LARP1B: variants seen among roughly 807,000 people sequenced by gnomAD.
The protein encoded by LARP1B is La ribonucleoprotein 1B.
Under a neutral mutation model 114.2 loss-of-function variants are expected in LARP1B, and 76 were observed. The observed-to-expected ratio is 0.67, with a 90% CI of 0.55 to 0.81. The LOEUF (loss-of-function observed/expected upper bound fraction) is 0.81. Ranked by LOEUF, LARP1B falls within the 30% of genes least tolerant of loss-of-function variation. The probability of loss-of-function intolerance (pLI) is 0.00; values close to 1 mark genes in which losing one functional copy is unlikely to be tolerated. For synonymous variants in LARP1B, 345 were observed against 348.0 expected, an observed-to-expected ratio of 0.99 and a Z score of 0.10; for missense variants, 1,014 against 1,075.8, an observed-to-expected ratio of 0.94 and a Z score of 0.80.
chr4:128,136,557 CT>C (rs1725412357), intron 11 of LARP1B, among the ~76,000 whole-genome samples: 1 of 152,162 alleles, frequency 6.6e-6, no homozygotes, highest in Admixed American at 6.5e-5. Context: ...GTAATTTACT[CT>C]CTAAGTGATT....
intron 11 of LARP1B, among the ~76,000 whole-genome samples, chr4:128,160,064 G>A (rs1173893611): frequency 6.6e-6 from 1 of 152,212 alleles, no homozygotes; most frequent in Non-Finnish European, 1.5e-5. Flanking sequence ...CTTAGACTTT[G>A]TGGGTCATAC....
chr4:128,109,646 T>G (rs1333713633), intron 9 of LARP1B, among the ~76,000 whole-genome samples: 1 of 152,086 alleles, frequency 6.6e-6, no homozygotes, highest in Non-Finnish European at 1.5e-5. Context: ...ATGTTGGGTT[T>G]TTTTCTTTTT....
chr4:128,069,353 T>C lies in LARP1B; in HGVS notation c.-77-5107T>C. The C allele has an allele frequency of 3.9e-6, 3 of 774,098 alleles. No homozygotes were observed. In the East Asian group the frequency reaches 7.3e-5, roughly 19 times the overall value. The allele number at this position is 774,098 out of a possible 1,614,324, so 48.0% of individuals were successfully genotyped here. A position where few individuals can be genotyped will look rare whatever the true frequency, so the allele number is the denominator to read the frequency against. ...TGGACTGAAGACTTTGAGCAAACTT[T>C]AGCTGGTTAACACCATGATGGACAG... On this transcript the variant is annotated intron_variant, in intron 1 of 19. Coordinates refer to ENST00000326639, the MANE Select transcript of LARP1B (RefSeq NM_018078.4).
intron 1 of LARP1B, chr4:128,069,740 T>C (rs994737552): frequency 1.1e-5 from 3 of 281,614 alleles, no homozygotes; most frequent in Non-Finnish European, 1.4e-5. Flanking sequence ...ATCAGCATTC[T>C]AGTATAATTT....
intron 11 of LARP1B, among the ~76,000 whole-genome samples, chr4:128,158,369 T>C (rs1287400252): frequency 2.0e-5 from 3 of 152,170 alleles, no homozygotes; most frequent in East Asian, 1.9e-4. Flanking sequence ...ATAAAACTTA[T>C]AGAAATAATA....
chr4:128,063,427 CAAAAAAAA>C (rs763868048), intron 1 of LARP1B, among the ~76,000 whole-genome samples: 9 of 13,214 alleles, frequency 6.8e-4, no homozygotes, highest in Admixed American at 2.7e-3. Context: ...GACCCACTCT[CAAAAAAAA>C]AAAAAAAAAA....
At chr4:128,063,284 A>G (rs1761031426) in intron 1 of LARP1B, among the ~76,000 whole-genome samples, 1 of 151,534 alleles carries the variant, frequency 6.6e-6, no homozygotes, top group Non-Finnish European at 1.5e-5. Flanking sequence ...ATCATTAGCC[A>G]GGCGTGGTGG....
intron 5 of LARP1B, among the ~76,000 whole-genome samples, chr4:128,088,203 A>G (rs13144339): frequency 1.6e-4 from 24 of 150,888 alleles, no homozygotes; most frequent in South Asian, 4.2e-4. Context: ...AATCAATAAT[A>G]ATGATGATGA....
intron 11 of LARP1B, among the ~76,000 whole-genome samples, chr4:128,134,319 A>G (rs62334617): frequency 0.17 from 25,812 of 152,090 alleles, 2,784 homozygotes; most frequent in Middle Eastern, 0.3. Context: ...GATTTTTTTG[A>G]CAAGTGTATC....
intron 11 of LARP1B, among the ~76,000 whole-genome samples, chr4:128,157,990 G>A (rs1012030426): frequency 6.6e-6 from 1 of 152,046 alleles, no homozygotes; most frequent in South Asian, 2.1e-4. Flanking sequence ...ATAAATAGTG[G>A]CAATAAACAC....
Position 128,083,664 on chromosome 4 carries a change from T to G in LARP1B, c.358+1359T>G, listed in dbSNP as rs193061862. Among the ~76,000 whole-genome samples the G allele has an allele frequency of 1.8e-4, 22 of 120,204 alleles. 1 individual carries two copies. Among genetic ancestry groups the G allele is most frequent in the Admixed American group, 6.2e-4 (8 of 12,938 alleles). The allele number at this position is 120,204 out of a possible 152,430, so 78.9% of individuals were successfully genotyped here. On this transcript the variant is annotated intron_variant, in intron 5 of 19. Coordinates refer to ENST00000326639, the MANE Select transcript of LARP1B (RefSeq NM_018078.4). ...CTCCCGGACGGGGCGGCTGGCCAGG[T>G]GGGGGGGCTGAGCCCCCCCACCTCC...
At chr4:128,091,208 C>G in intron 6 of LARP1B, 64 bp downstream of exon 6, 4 of 1,574,550 alleles carry the variant, frequency 2.5e-6, no homozygotes, top group Non-Finnish European at 3.4e-6. Flanking sequence ...CAACTATCCT[C>G]TATTATGTTT....
intron 19 of LARP1B, 124 bp downstream of exon 19, chr4:128,207,507 T>C (rs1486084529): frequency 1.1e-5 from 6 of 570,122 alleles, no homozygotes; most frequent in Admixed American, 4.1e-5. Context: ...AAAATTAAAC[T>C]TTGAAATAGA....
intron 11 of LARP1B, among the ~76,000 whole-genome samples, chr4:128,133,731 T>A (rs567957682): frequency 1.3e-5 from 2 of 152,218 alleles, no homozygotes; most frequent in Admixed American, 1.3e-4. Flanking sequence ...AGTTTCGCTC[T>A]TGTTGCCCAG....
At chr4:128,128,038 T>G (rs1790221984) in intron 11 of LARP1B, among the ~76,000 whole-genome samples, 1 of 152,212 alleles carries the variant, frequency 6.6e-6, no homozygotes, top group African/African-American at 2.4e-5. Context: ...AAAGAATAGT[T>G]GTTTCAACAA....
intron 10 of LARP1B, 113 bp from the exon 11 acceptor site, chr4:128,121,713 A>C: frequency 1.4e-6 from 1 of 693,508 alleles, no homozygotes. Context: ...TGGCTGTTAA[A>C]CTAGCAATTG....
Position 128,200,635 on chromosome 4 carries a change from T to G in LARP1B, c.2279T>G (p.Leu760Arg), listed in dbSNP as rs1561559723. 1 of 1,583,702 alleles carries G rather than the reference T, an allele frequency of 6.3e-7. No homozygotes were observed. Among genetic ancestry groups the G allele is most frequent in the East Asian group, 2.3e-5 (1 of 43,972 alleles). The change falls in exon 17 of 20, where the codon CTT (leucine) becomes CGT (arginine). Residue 760 changes from leucine (L) to arginine (R), a missense_variant. Transcript: ENST00000326639. ...NKKMYEEFRQ[L>R]AWEDAKENYR... ...AAAATGTATGAGGAATTTAGACAACTTGCTTGGGAAGATGCAAAAGAAAAT... is the reference window on the plus strand; with the variant it reads ...AAAATGTATGAGGAATTTAGACAACGTGCTTGGGAAGATGCAAAAGAAAAT...
At chr4:128,170,872 CTTT>C (rs70966085) in intron 12 of LARP1B, among the ~76,000 whole-genome samples, 19 of 94,992 alleles carry the variant, frequency 2.0e-4, no homozygotes, top group Non-Finnish European at 2.6e-4. Flanking sequence ...TTTTTCTTTT[CTTT>C]TTTTTTTTTT....
chr4:128,062,004 C>G (rs1170558157), intron 1 of LARP1B: 2 of 984,968 alleles, frequency 2.0e-6, no homozygotes, highest in Non-Finnish European at 2.4e-6. Flanking sequence ...GGCGGGGAGC[C>G]GCCACCGCCA....
Sources: gnomAD v4.1 joint callset for allele counts (sites outside exome capture counted in the v4.1 genomes callset) on GRCh38, gnomAD v4.1.1 for gene constraint, MANE v1.5 for transcripts, NCBI Gene and HGNC (gene_info 2026-07-23, HGNC 2026-07-21) for gene names.